The following RORA variants were observed in gnomAD, a reference collection of about 807,000 sequenced individuals.
RORA encodes the protein RAR related orphan receptor A, also known as nuclear receptor ROR-alpha.
In RORA, 7 loss-of-function variants were observed where a neutral mutation model predicts 69.5. The ratio of observed to expected loss-of-function variants is 0.10; its 90% CI spans 0.06 to 0.19. The LOEUF is 0.19. Ranked by LOEUF, RORA falls within the 10% of genes least tolerant of loss-of-function variation. The pLI is 1.00. For missense variants in RORA, 457 were observed against 663.0 expected (o/e 0.69, Z 3.41); for synonymous variants, 261 against 240.8 (o/e 1.08, Z -0.78).
chr15:61,220,054 C>T (rs1475811009), intron 1 of RORA, among the ~76,000 whole-genome samples: 2 of 152,166 alleles, frequency 1.3e-5, no homozygotes, highest in Non-Finnish European at 2.9e-5. Context: ...AGAAATTGCC[C>T]GGGTTCCCAC....
intron 1 of RORA, among the ~76,000 whole-genome samples, chr15:61,172,497 C>T (rs1057253512): frequency 1.2e-4 from 19 of 152,102 alleles, no homozygotes; most frequent in Non-Finnish European, 2.2e-4. Context: ...ATGCAGATCC[C>T]AGGACAGCAG....
chr15:60,735,701 A>C (rs898820293), intron 1 of RORA, among the ~76,000 whole-genome samples: 18 of 152,182 alleles, frequency 1.2e-4, no homozygotes, highest in Non-Finnish European at 2.4e-4. Context: ...AAGCTTTCAT[A>C]GAAGAGATGA....
At chr15:61,138,670 C>G (rs1273335348) in intron 1 of RORA, among the ~76,000 whole-genome samples, 1 of 152,046 alleles carries the variant, frequency 6.6e-6, no homozygotes, top group Non-Finnish European at 1.5e-5. Context: ...GGGCCTTTTC[C>G]TGCACAGTCT....
rs928491436 is a variant in RORA, at chr15:60,744,059, GA to G, written c.167-65374del. Reference sequence around the variant, plus strand: ...ATAAGAATCAGAAAGCACTAGGGTTGAAAAAAAAAAGTTCTGGGAAACTTCC... The same window carrying G: ...ATAAGAATCAGAAAGCACTAGGGTTGAAAAAAAAAGTTCTGGGAAACTTCC... On this transcript the variant is annotated intron_variant, in intron 1 of 10. Coordinates refer to ENST00000335670, the MANE Select transcript of RORA (RefSeq NM_134261.3). Among the ~76,000 whole-genome samples, 723 of 142,654 alleles carry G rather than the reference GA, an allele frequency of 5.1e-3. 7 individuals are homozygous for G. The highest frequency in any genetic ancestry group is 0.017 in the African/African-American group (681 of 39,112). The allele number at this position is 142,654 out of a possible 152,430, so 93.6% of individuals were successfully genotyped here. A position where few individuals can be genotyped will look rare whatever the true frequency, so the allele number is the denominator to read the frequency against.
chr15:61,018,551 T>C (rs533843209), intron 1 of RORA, among the ~76,000 whole-genome samples: 36 of 152,138 alleles, frequency 2.4e-4, no homozygotes, highest in Non-Finnish European at 4.6e-4. Flanking sequence ...CAGGCATATA[T>C]ATATTTGGAT....
chr15:61,035,380 G>A (rs189491715), intron 1 of RORA, among the ~76,000 whole-genome samples: 3 of 152,048 alleles, frequency 2.0e-5, no homozygotes, highest in East Asian at 1.9e-4. Context: ...CCCACACAAC[G>A]TTAGGAGAGT....
intron 1 of RORA, among the ~76,000 whole-genome samples, chr15:60,694,793 T>C (rs2070878653): frequency 6.6e-6 from 1 of 152,242 alleles, no homozygotes. Context: ...TCAACCCATA[T>C]GCAGCGAGGT....
intron 1 of RORA, among the ~76,000 whole-genome samples, chr15:60,913,869 T>G (rs950807396): frequency 6.6e-6 from 1 of 152,232 alleles, no homozygotes; most frequent in African/African-American, 2.4e-5. Context: ...TCTTTCCTGT[T>G]TTTTCCATCT....
chr15:60,515,927 T>TTA (rs377733976), intron 3 of RORA, among the ~76,000 whole-genome samples: 4 of 47,802 alleles, frequency 8.4e-5, no homozygotes, highest in African/African-American at 1.3e-4. Context: ...ATATATATAT[T>TTA]TATATATATA....
chr15:61,153,770 A>AGGGG (rs139787063), intron 1 of RORA, among the ~76,000 whole-genome samples: 1 of 152,052 alleles, frequency 6.6e-6, no homozygotes, highest in Admixed American at 6.5e-5. Flanking sequence ...GGTTTCATGC[A>AGGGG]CAATTGCTAA....
At chr15:61,081,381 G>A (rs2078537475) in intron 1 of RORA, among the ~76,000 whole-genome samples, 1 of 152,238 alleles carries the variant, frequency 6.6e-6, no homozygotes. Flanking sequence ...AGGCAGGAAA[G>A]TGAGTCATTT....
intron 1 of RORA, among the ~76,000 whole-genome samples, chr15:60,749,736 C>G (rs962571427): frequency 3.3e-5 from 5 of 152,110 alleles, no homozygotes; most frequent in African/African-American, 1.2e-4. Context: ...ACGATAATAG[C>G]TAATATTAGG....
chr15:60,538,155 T>G (rs919620395), intron 2 of RORA, among the ~76,000 whole-genome samples: 4 of 152,124 alleles, frequency 2.6e-5, no homozygotes, highest in African/African-American at 9.7e-5. Context: ...TATTCAAGAT[T>G]ATTTGATGTG....
chr15:60,953,946 A>G (rs1893185507), intron 1 of RORA, among the ~76,000 whole-genome samples: 1 of 151,790 alleles, frequency 6.6e-6, no homozygotes, highest in Admixed American at 6.6e-5. Flanking sequence ...TACTGGGTAT[A>G]TACCCAGAGG....
chr15:61,018,552 A>G (rs908003873), intron 1 of RORA, among the ~76,000 whole-genome samples: 1 of 152,096 alleles, frequency 6.6e-6, no homozygotes, highest in South Asian at 2.1e-4. Flanking sequence ...AGGCATATAT[A>G]TATTTGGATT....
At chr15:61,000,541 G>A (rs1456669884) in intron 1 of RORA, among the ~76,000 whole-genome samples, 1 of 152,180 alleles carries the variant, frequency 6.6e-6, no homozygotes, top group Non-Finnish European at 1.5e-5. Context: ...GAGAGGTGGT[G>A]TCCAGCCACT....
intron 2 of RORA, among the ~76,000 whole-genome samples, chr15:60,580,211 A>G (rs2068152406): frequency 6.6e-6 from 1 of 152,218 alleles, no homozygotes; most frequent in South Asian, 2.1e-4. Context: ...GATTTGAGTT[A>G]GAGAACTGAA....
chr15:60,841,085 TC>T, intron 1 of RORA: 5 of 985,160 alleles, frequency 5.1e-6, no homozygotes, highest in Non-Finnish European at 6.0e-6. Context: ...GTTGACTGAC[TC>T]CCCGTGAGCA....
chr15:60,523,873 C>T (rs2066259911), intron 3 of RORA, among the ~76,000 whole-genome samples: 1 of 152,132 alleles, frequency 6.6e-6, no homozygotes, highest in Non-Finnish European at 1.5e-5. Flanking sequence ...CAGGGTCTCG[C>T]TTTGTTGCCC....
Sources: allele counts gnomAD v4.1 joint callset (sites outside exome capture counted in the v4.1 genomes callset), GRCh38; gene constraint gnomAD v4.1.1; transcripts MANE v1.5; gene names NCBI Gene and HGNC (gene_info 2026-07-23, HGNC 2026-07-21).